The following ARHGEF10 variants were observed in gnomAD, a reference collection of about 807,000 sequenced individuals.
ARHGEF10 encodes the protein Rho guanine nucleotide exchange factor (GEF) 10.
Under a neutral mutation model 147.4 loss-of-function variants are expected in ARHGEF10, and 140 were observed. The ratio of observed to expected loss-of-function variants is 0.95; its 90% CI spans 0.83 to 1.09. The LOEUF is 1.09. ARHGEF10 is among the 50% of genes least tolerant of loss of function. The pLI, the probability that ARHGEF10 is intolerant of heterozygous loss-of-function variation, is 0.00. For synonymous variants in ARHGEF10, 902 were observed against 695.8 expected, an observed-to-expected ratio of 1.30 and a Z score of -4.67; for missense variants, 2,222 against 1,752.7, an observed-to-expected ratio of 1.27 and a Z score of -4.78.
chr8:1,954,676 G>C (rs1585674871), intron 28 of ARHGEF10, among the ~76,000 whole-genome samples: 1 of 152,296 alleles, frequency 6.6e-6, no homozygotes, highest in East Asian at 1.9e-4. Flanking sequence ...AGCCCTCTCT[G>C]CTCACAACCC....
chr8:1,935,739 C>T (rs954288237), intron 26 of ARHGEF10, among the ~76,000 whole-genome samples: 3 of 152,216 alleles, frequency 2.0e-5, no homozygotes, highest in Non-Finnish European at 4.4e-5. Context: ...GTATCACAAA[C>T]ACTTGGGAGT....
chr8:1,853,422 T>C (rs1451735744), intron 2 of ARHGEF10, among the ~76,000 whole-genome samples: 1 of 152,252 alleles, frequency 6.6e-6, no homozygotes, highest in African/African-American at 2.4e-5. Context: ...ATCCATGTCG[T>C]CTCAAACTAC....
At chr8:1,832,371 CAGAGACAGAGGCAGAGGCAGAGACAGAG>C (rs879396580) in intron 1 of ARHGEF10, among the ~76,000 whole-genome samples, 62,171 of 139,010 alleles carry the variant, frequency 0.45, 13,290 homozygotes, top group Middle Eastern at 0.55. Flanking sequence ...GAGACAGAGA[CAGAGACAGAGGCAGAGGCAGAGACAGAG>C]AGAGGCAGAG....
intron 8 of ARHGEF10, 106 bp downstream of exon 8, chr8:1,876,840 G>A: frequency 7.7e-7 from 1 of 1,305,452 alleles, no homozygotes. Flanking sequence ...GATTTGTTAA[G>A]ATGCTGATAA....
intron 18 of ARHGEF10, among the ~76,000 whole-genome samples, chr8:1,917,495 A>T (rs1305523826): frequency 6.6e-6 from 1 of 152,088 alleles, no homozygotes; most frequent in Admixed American, 6.5e-5. Context: ...CTTGCTATTG[A>T]TCTGGCCACA....
chr8:1,825,236 TGTCCCCC>T (rs1433550821), intron 1 of ARHGEF10, among the ~76,000 whole-genome samples: 1 of 692 alleles, frequency 1.4e-3, no homozygotes, highest in Non-Finnish European at 2.0e-3. Flanking sequence ...GCACCCCACC[TGTCCCCC>T]GCACCCCACC....
Position 1,915,335 on chromosome 8 carries a change from G to A in ARHGEF10, c.2143+5865G>A, listed in dbSNP as rs374360420. On this transcript the variant is annotated intron_variant, in intron 18 of 28. Coordinates refer to ENST00000349830, the MANE Select transcript of ARHGEF10 (RefSeq NM_014629.4). ...GTCACATCACAGATTCTGGGCAGTG[G>A]GTAAAAATGTGTCCATGAGTTATTC... is the stretch of plus-strand genomic sequence containing the variant. 8.1e-4 allele frequency among the ~76,000 whole-genome samples: 124 copies of A among 152,270 alleles called. 1 individual carries two copies. Among genetic ancestry groups the A allele is most frequent in the Admixed American group, 4.2e-3 (64 of 15,298 alleles).
chr8:1,946,363 C>G (rs957604873), intron 27 of ARHGEF10, among the ~76,000 whole-genome samples: 6 of 152,212 alleles, frequency 3.9e-5, no homozygotes, highest in African/African-American at 1.4e-4. Flanking sequence ...TGCTGTGACA[C>G]ACGCCACAGA....
At chr8:1,899,294 G>C (rs77258368) in intron 15 of ARHGEF10, among the ~76,000 whole-genome samples, 63 of 152,336 alleles carry the variant, frequency 4.1e-4, no homozygotes, top group African/African-American at 1.4e-3. Flanking sequence ...CATGCCTCCA[G>C]GGAGGATATT....
At position 1,876,677 on chromosome 8, in the gene ARHGEF10, C is replaced by G. The variant is rs770575781; in HGVS notation, c.786C>G (p.Asp262Glu). The G allele has an allele frequency of 6.2e-7, 1 of 1,614,208 alleles. No individual in the cohort carries two copies. Among genetic ancestry groups the G allele is most frequent in the East Asian group, 2.2e-5 (1 of 44,886 alleles). Reference sequence around the variant, plus strand: ...TTGAAAGTTACGAAGAGCAGAGTGACTCGGAGTGCAAGAATGGGATTCCCA... The same window carrying G: ...TTGAAAGTTACGAAGAGCAGAGTGAGTCGGAGTGCAAGAATGGGATTCCCA... ...SEFESYEEQS[D>E]SECKNGIPRS... Residue 262 changes from aspartate to glutamate, a missense_variant, in exon 8 of 29, where the codon GAC becomes GAG. Asp to Glu is a conservative substitution (Grantham distance 45). Transcript: ENST00000349830.
chr8:1,940,634 T>C (rs1433594262), intron 26 of ARHGEF10, among the ~76,000 whole-genome samples: 1 of 152,182 alleles, frequency 6.6e-6, no homozygotes, highest in African/African-American at 2.4e-5. Flanking sequence ...TCCTACTCAT[T>C]CTGCAGTCAG....
chr8:1,898,571 C>T, intron 15 of ARHGEF10, 46 bp downstream of exon 15: 1 of 1,572,668 alleles, frequency 6.4e-7, no homozygotes, highest in Non-Finnish European at 8.7e-7. Flanking sequence ...TCTGGCTCGC[C>T]CATGACTCAT....
chr8:1,876,687 A>C lies in ARHGEF10; in HGVS notation c.796A>C (p.Lys266Gln). 4 of 1,614,242 alleles carry C rather than the reference A, an allele frequency of 2.5e-6. No individual in the cohort carries two copies. Among genetic ancestry groups the C allele is most frequent in the Non-Finnish European group, 3.4e-6 (4 of 1,180,038 alleles). Residue 266 changes from lysine to glutamine, a missense_variant, in exon 8 of 29, where the codon AAG becomes CAG. Transcript: ENST00000349830. Reference protein sequence around the residue: ...SYEEQSDSECKNGIPRSFLRS... With the variant: ...SYEEQSDSECQNGIPRSFLRS... The stretch of plus-strand genomic sequence containing the variant: ...CGAAGAGCAGAGTGACTCGGAGTGC[A>C]AGAATGGGATTCCCAGGTCCTTCCT...
intron 25 of ARHGEF10, among the ~76,000 whole-genome samples, chr8:1,931,517 C>T (rs1198545743): frequency 6.6e-6 from 1 of 152,138 alleles, no homozygotes; most frequent in Admixed American, 6.5e-5. Flanking sequence ...CGTGTCTCTT[C>T]GCATCTTTCT....
chr8:1,956,655 G>C, intron 28 of ARHGEF10, 94 bp from the exon 29 acceptor site: 7 of 1,337,372 alleles, frequency 5.2e-6, no homozygotes, highest in Non-Finnish European at 6.4e-6. Flanking sequence ...TGGGCAGGGA[G>C]GAATGCGTTG....
At chr8:1,894,018 C>A (rs542868835) in intron 12 of ARHGEF10, among the ~76,000 whole-genome samples, 17 of 151,926 alleles carry the variant, frequency 1.1e-4, no homozygotes, top group African/African-American at 3.9e-4. Context: ...TACTAAAATA[C>A]AAAATATTAG....
chr8:1,828,434 C>T lies in ARHGEF10; in HGVS notation c.-48+4321C>T, dbSNP rs190964427. Among the ~76,000 whole-genome samples the T allele has an allele frequency of 5.1e-3, 768 of 151,226 alleles. 6 individuals carry two copies. Among genetic ancestry groups the T allele is most frequent in the Non-Finnish European group, 7.7e-3 (520 of 67,814 alleles). ...TTTTAAGGAATTACATTTTGATAAA[C>T]CGTGGCATGCACACTTACTGTTTTA... On this transcript the variant is annotated intron_variant, in intron 1 of 28. Transcript: ENST00000349830.
intron 26 of ARHGEF10, among the ~76,000 whole-genome samples, chr8:1,941,291 A>G (rs1814070136): frequency 6.6e-6 from 1 of 152,258 alleles, no homozygotes; most frequent in African/African-American, 2.4e-5. Context: ...GTATACAAAA[A>G]TCAATTAAAT....
intron 26 of ARHGEF10, among the ~76,000 whole-genome samples, chr8:1,944,210 T>C (rs111463181): frequency 0.057 from 7,765 of 135,398 alleles, 248 homozygotes; most frequent in Middle Eastern, 0.12. Flanking sequence ...CCCAGCCTCC[T>C]GCACCATGTC....
Sources: gnomAD v4.1 joint callset for allele counts (sites outside exome capture counted in the v4.1 genomes callset) on GRCh38, gnomAD v4.1.1 for gene constraint, MANE v1.5 for transcripts, NCBI Gene and HGNC (gene_info 2026-07-23, HGNC 2026-07-21) for gene names.